RPL28: variants seen among roughly 807,000 people sequenced by gnomAD.
RPL28 encodes the protein ribosomal protein L28, also known as large ribosomal subunit protein eL28.
A neutral mutation model predicts 12.5 loss-of-function variants in RPL28; 4 were observed. The observed-to-expected ratio is 0.32, with a 90% CI of 0.16 to 0.73. The LOEUF (loss-of-function observed/expected upper bound fraction) is 0.73, where lower values mean the gene tolerates loss of function less well. Ranked by LOEUF, RPL28 falls within the 30% of genes least tolerant of loss-of-function variation. RPL28 has a pLI of 0.66. For synonymous variants in RPL28, 91 were observed against 72.5 expected, an observed-to-expected ratio of 1.26 and a Z score of -1.30; for missense variants, 214 against 197.7, an observed-to-expected ratio of 1.08 and a Z score of -0.49.
intron 4 of RPL28, chr19:55,401,879 TCCAGGCCCC>T: frequency 1.8e-6 from 2 of 1,094,802 alleles, no homozygotes; most frequent in South Asian, 1.4e-5. Context: ...CAGCTGCAGA[TCCAGGCCCC>T]ACCTATGCTG....
chr19:55,390,466 AAGTGCTGGCATTACAGGCGCT>A lies in RPL28; in HGVS notation c.*2135_*2155del. 2 of 985,358 alleles carry A rather than the reference AAGTGCTGGCATTACAGGCGCT, an allele frequency of 2.0e-6. No individual in the cohort carries two copies. The highest frequency in any genetic ancestry group is 2.4e-6 in the Non-Finnish European group (2 of 829,944). 61.0% of individuals were successfully genotyped at this position (985,358 alleles called of 1,614,324 possible). ...ATTACCCACCTGCCTCAGCCTCCCA[AAGTGCTGGCATTACAGGCGCT>A]CGAGGCTTTCTGATGTGGCTGCTGC... On this transcript the variant is annotated 3_prime_UTR_variant, in exon 5 of 5. Coordinates refer to ENST00000344063, the MANE Select transcript of RPL28 (RefSeq NM_000991.5).
At chr19:55,401,137 CAAACA>C (rs2090054370) in intron 4 of RPL28, 1 of 468,068 alleles carries the variant, frequency 2.1e-6, no homozygotes, top group Admixed American at 4.0e-5. Flanking sequence ...ACCCAAACCT[CAAACA>C]GCAAGGCTGG....
At chr19:55,392,293 G>T (rs1057488515), downstream of RPL28, among the ~76,000 whole-genome samples, 1 of 152,126 alleles carries the variant, frequency 6.6e-6, no homozygotes, top group South Asian at 2.1e-4. Flanking sequence ...GTGCAGTGGC[G>T]CAATCACGGC....
chr19:55,398,464 C>T (rs971374842), intron 4 of RPL28, among the ~76,000 whole-genome samples: 5 of 152,132 alleles, frequency 3.3e-5, no homozygotes, highest in Admixed American at 1.3e-4. Flanking sequence ...CGCCACCTTG[C>T]CAACACTTGG....
downstream of RPL28, chr19:55,403,277 C>T (rs1021012088): frequency 7.0e-6 from 4 of 573,340 alleles, no homozygotes; most frequent in African/African-American, 5.7e-5. Context: ...GGCATGTAAG[C>T]TCAGCTTTAG....
downstream of RPL28, among the ~76,000 whole-genome samples, chr19:55,392,824 CG>C (rs2090000103): frequency 6.6e-6 from 1 of 152,026 alleles, no homozygotes; most frequent in Non-Finnish European, 1.5e-5. Flanking sequence ...CCACCGCGTC[CG>C]GCCCCAGCCT....
At chr19:55,394,901 A>G (rs1358079213), downstream of RPL28, among the ~76,000 whole-genome samples, 1 of 152,128 alleles carries the variant, frequency 6.6e-6, no homozygotes, top group Non-Finnish European at 1.5e-5. Flanking sequence ...GTTTTGGGCC[A>G]ATCTCTAAAA....
chr19:55,390,298 G>GTGTCCCA lies in RPL28; in HGVS notation c.*1966_*1967insTGTCCCA, dbSNP rs2089978628. ...TGGCTCACTGCAGCCTCCACCTCCT[G>GTGTCCCA]GGTTCAAGCGATTCTCCTGCCTCAG... On this transcript the variant is annotated 3_prime_UTR_variant, in exon 5 of 5. Transcript: ENST00000344063. The GTGTCCCA allele has an allele frequency of 1.3e-6, 1 of 789,566 alleles. No homozygotes were observed. Among genetic ancestry groups the GTGTCCCA allele is most frequent in the Non-Finnish European group, 1.5e-6 (1 of 651,678 alleles). 48.9% of individuals were successfully genotyped at this position (789,566 alleles called of 1,614,324 possible). A position where few individuals can be genotyped will look rare whatever the true frequency, so the allele number is the denominator to read the frequency against.
chr19:55,389,172 A>G lies in RPL28; in HGVS notation c.*840A>G, dbSNP rs2089965423. 4.1e-6 allele frequency: 4 copies of G among 973,218 alleles called. No homozygotes were observed. Among genetic ancestry groups the G allele is most frequent in the Non-Finnish European group, 4.9e-6 (4 of 821,312 alleles). 60.3% of individuals were successfully genotyped at this position (973,218 alleles called of 1,614,324 possible). On this transcript the variant is annotated 3_prime_UTR_variant, in exon 5 of 5. Transcript: ENST00000344063. ...GGAGTTTGAGACCATCCTAGGCAAC[A>G]TAATGAGACACCGTCTCTAAAATAA...
At chr19:55,387,132 T>A in intron 3 of RPL28, 1 of 1,318,044 alleles carries the variant, frequency 7.6e-7, no homozygotes. Flanking sequence ...CTGTGTAGGT[T>A]AGAGAAGAGG....
At position 55,390,184 on chromosome 19, in the gene RPL28, C is replaced by A. The variant is rs10425107; in HGVS notation, c.*1852C>A. 1.0e-6 allele frequency: 1 copy of A among 985,292 alleles called. No homozygotes were observed. Among genetic ancestry groups the A allele is most frequent in the African/African-American group, 1.7e-5 (1 of 57,180 alleles). The allele number at this position is 985,292 out of a possible 1,614,324, so 61.0% of individuals were successfully genotyped here. A position where few individuals can be genotyped will look rare whatever the true frequency, so the allele number is the denominator to read the frequency against. On this transcript the variant is annotated 3_prime_UTR_variant, in exon 5 of 5. Transcript: ENST00000344063. ...TGGTGCATATTGAATGTATAAAGCC[C>A]ACCGGTCCTGAGAGTTTGCTCACTG...
chr19:55,386,965 A>T, intron 3 of RPL28: 2 of 1,446,724 alleles, frequency 1.4e-6, no homozygotes, highest in South Asian at 1.4e-5. Flanking sequence ...CACGGGGTTG[A>T]TGTTTTCAGA....
chr19:55,391,259 G>T lies in RPL28; in HGVS notation c.*2927G>T. 2.8e-6 allele frequency: 1 copy of T among 356,232 alleles called. No individual in the cohort carries two copies. Among genetic ancestry groups the T allele is most frequent in the African/African-American group, 2.1e-5 (1 of 47,256 alleles). The allele number at this position is 356,232 out of a possible 1,614,324, so 22.1% of individuals were successfully genotyped here. ...CAGGAATCAAACTGCCTGGGTTCCA[G>T]TCCCAGCTCTGCCAGTTATGCCCAG... On this transcript the variant is annotated 3_prime_UTR_variant, in exon 5 of 5. Transcript: ENST00000344063.
In RPL28 at chr19:55,389,739, C is replaced by A; in HGVS notation, c.*1407C>A. On this transcript the variant is annotated 3_prime_UTR_variant, in exon 5 of 5. Coordinates refer to ENST00000344063, the MANE Select transcript of RPL28 (RefSeq NM_000991.5). ...TGAATTACCATTTCCTTTGTCCTTC[C>A]CTTAGTTGGGTCTATTAGCTCAGAT... 1.0e-6 allele frequency: 1 copy of A among 985,620 alleles called. No homozygotes were observed. The highest frequency in any genetic ancestry group is 4.7e-5 in the South Asian group (1 of 21,286). The allele number at this position is 985,620 out of a possible 1,614,324, so 61.1% of individuals were successfully genotyped here. A position where few individuals can be genotyped will look rare whatever the true frequency, so the allele number is the denominator to read the frequency against.
chr19:55,393,244 ACCCCCCCCC>A (rs57189948), downstream of RPL28, among the ~76,000 whole-genome samples: 2 of 99,932 alleles, frequency 2.0e-5, no homozygotes, highest in East Asian at 7.5e-4. Context: ...TGGCCGACGC[ACCCCCCCCC>A]CCCCCCGACC....
downstream of RPL28, among the ~76,000 whole-genome samples, chr19:55,394,679 C>T (rs2090011123): frequency 6.6e-6 from 1 of 152,102 alleles, no homozygotes; most frequent in African/African-American, 2.4e-5. Context: ...TGAAACAGTC[C>T]TCCCACCTCA....
chr19:55,395,722 C>G (rs751838741), downstream of RPL28, among the ~76,000 whole-genome samples: 1 of 152,018 alleles, frequency 6.6e-6, no homozygotes, highest in African/African-American at 2.4e-5. Context: ...GGATTACAGG[C>G]ATGAGCCACC....
rs957564122 is a variant in RPL28, at chr19:55,391,508, C to T, written c.*3176C>T. On this transcript the variant is annotated 3_prime_UTR_variant, in exon 5 of 5. Coordinates refer to ENST00000344063, the MANE Select transcript of RPL28 (RefSeq NM_000991.5). ...TGCAGAGCGCTGGGGACTCCAGACT[C>T]CCCACAGCAGCAGAGACTCGGGACT... The T allele has an allele frequency of 6.8e-7, 1 of 1,462,714 alleles. No individual in the cohort carries two copies. Among genetic ancestry groups the T allele is most frequent in the Non-Finnish European group, 9.1e-7 (1 of 1,093,112 alleles). The allele number at this position is 1,462,714 out of a possible 1,614,324, so 90.6% of individuals were successfully genotyped here.
downstream of RPL28, among the ~76,000 whole-genome samples, chr19:55,394,089 TATC>T (rs912318696): frequency 3.3e-5 from 5 of 151,872 alleles, no homozygotes; most frequent in African/African-American, 9.7e-5. Flanking sequence ...AGTGAAACCC[TATC>T]TATACTAAAA....
Sources: gnomAD v4.1 joint callset for allele counts (sites outside exome capture counted in the v4.1 genomes callset) on GRCh38, gnomAD v4.1.1 for gene constraint, MANE v1.5 for transcripts, NCBI Gene and HGNC (gene_info 2026-07-23, HGNC 2026-07-21) for gene names.